BAHCC1: variants seen among roughly 807,000 people sequenced by gnomAD.
The protein encoded by BAHCC1 is BAH and coiled-coil domain-containing protein 1.
In BAHCC1, 43 loss-of-function variants were observed where a neutral mutation model predicts 88.2. That is an observed-to-expected ratio of 0.49 (90% CI 0.38 to 0.63). The LOEUF is 0.63. Ranked by LOEUF, BAHCC1 falls within the 20% of genes least tolerant of loss-of-function variation. The pLI is 0.00. For missense variants in BAHCC1, 3,023 were observed against 1,654.8 expected, an observed-to-expected ratio of 1.83 and a Z score of -14.34; for synonymous variants, 1,510 against 745.5, an observed-to-expected ratio of 2.03 and a Z score of -16.71.
intron 26 of BAHCC1, chr17:81,462,523 C>T: frequency 1.7e-6 from 1 of 571,794 alleles, no homozygotes; most frequent in Non-Finnish European, 3.1e-6. Context: ...GTCATGATTC[C>T]ATGTGCGGGC....
At chr17:81,458,516 G>T (rs782025421) in intron 18 of BAHCC1, 50 bp downstream of exon 18, 2 of 638,742 alleles carry the variant, frequency 3.1e-6, no homozygotes, top group East Asian at 5.4e-5. Context: ...TGCCTGTGAG[G>T]AAAGGCCTTC....
At chr17:81,438,607 G>A (rs2064370355) in intron 4 of BAHCC1, 115 bp downstream of exon 4, 2 of 671,584 alleles carry the variant, frequency 3.0e-6, no homozygotes, top group Non-Finnish European at 5.5e-6. Flanking sequence ...CCCACCAGGT[G>A]TCATCGAGGC....
At chr17:81,403,159 G>A (rs1299401419) in intron 2 of BAHCC1, among the ~76,000 whole-genome samples, 1 of 152,188 alleles carries the variant, frequency 6.6e-6, no homozygotes, top group Non-Finnish European at 1.5e-5. Flanking sequence ...ATCCGAGGCA[G>A]CCCCGGCCTG....
intron 2 of BAHCC1, among the ~76,000 whole-genome samples, chr17:81,421,339 C>T (rs1019176678): frequency 2.0e-5 from 3 of 151,474 alleles, no homozygotes; most frequent in Non-Finnish European, 2.9e-5. Flanking sequence ...CACTGGTCGG[C>T]GGGGGGGCTG....
intron 1 of BAHCC1, among the ~76,000 whole-genome samples, chr17:81,398,528 G>A (rs919166104): frequency 6.6e-6 from 1 of 152,222 alleles, no homozygotes; most frequent in East Asian, 1.9e-4. Flanking sequence ...CTCTGCTCGC[G>A]GTCCCCGGCA....
chr17:81,426,176 GGGTA>G (rs2064195163), intron 2 of BAHCC1, among the ~76,000 whole-genome samples: 3 of 148,008 alleles, frequency 2.0e-5, no homozygotes, highest in Admixed American at 6.8e-5. Context: ...TGATAGTGGT[GGGTA>G]ATGTGGTTGG....
intron 14 of BAHCC1, 42 bp from the exon 15 acceptor site, chr17:81,455,225 C>T (rs1555656929): frequency 1.4e-5 from 10 of 704,208 alleles, no homozygotes; most frequent in Non-Finnish European, 2.1e-5. Flanking sequence ...CTGGGGCGGC[C>T]GGGCCTGCAT....
intron 2 of BAHCC1, among the ~76,000 whole-genome samples, chr17:81,417,562 C>CCA (rs1555648940): frequency 4.8e-5 from 7 of 144,828 alleles, no homozygotes; most frequent in Admixed American, 1.3e-4. Flanking sequence ...GCCACCCCCC[C>CCA]CCCGCCCTAG....
chr17:81,412,691 C>T (rs2063969634), intron 2 of BAHCC1, among the ~76,000 whole-genome samples: 1 of 152,220 alleles, frequency 6.6e-6, no homozygotes, highest in African/African-American at 2.4e-5. Flanking sequence ...GCGCCCCCCG[C>T]CCCACCCTGT....
intron 15 of BAHCC1, 127 bp from the exon 16 acceptor site, chr17:81,456,170 G>A (rs2064745195): frequency 1.7e-6 from 1 of 600,056 alleles, no homozygotes; most frequent in Non-Finnish European, 2.9e-6. Flanking sequence ...CAGCCCCTGT[G>A]GATCGAGGGC....
chr17:81,459,620 A>AGC lies in BAHCC1; in HGVS notation c.5905+18_5905+19dup. 2.6e-6 allele frequency: 2 copies of AGC among 779,386 alleles called. No individual in the cohort carries two copies. Among genetic ancestry groups the AGC allele is most frequent in the East Asian group, 4.9e-5 (2 of 41,222 alleles). 48.3% of individuals were successfully genotyped at this position (779,386 alleles called of 1,614,324 possible). On this transcript the variant is annotated intron_variant, in intron 23 of 27. Coordinates refer to ENST00000675386, the MANE Select transcript of BAHCC1 (RefSeq NM_001377448.1). ...GTGGTCCGGGGTAAGTTGCACCCAA[A>AGC]GCGGGGGCTGGGGCAGGCCCCTCTG...
chr17:81,447,995 C>G, intron 11 of BAHCC1, 147 bp downstream of exon 11: 1 of 624,192 alleles, frequency 1.6e-6, no homozygotes, highest in Non-Finnish European at 2.9e-6. Context: ...GTCCGCCTCC[C>G]CTTGCCGTCC....
chr17:81,439,514 C>A (rs1568015306), intron 4 of BAHCC1, among the ~76,000 whole-genome samples: 1 of 147,218 alleles, frequency 6.8e-6, no homozygotes, highest in Admixed American at 6.8e-5. Context: ...GGCGTCTCCC[C>A]AAGGGGATCC....
intron 10 of BAHCC1, among the ~76,000 whole-genome samples, chr17:81,446,074 G>A (rs1555654247): frequency 2.6e-5 from 4 of 152,054 alleles, no homozygotes; most frequent in Admixed American, 6.5e-5. Flanking sequence ...GAGGGGCAGC[G>A]AGGCGGGGTG....
chr17:81,445,705 C>A (rs1201177585), intron 10 of BAHCC1, 24 bp downstream of exon 10: 1 of 717,194 alleles, frequency 1.4e-6, no homozygotes, highest in Non-Finnish European at 2.6e-6. Context: ...CCTGGCCCGG[C>A]CCACTGTGCT....
At position 81,411,153 on chromosome 17, in the gene BAHCC1, G is replaced by A. The variant is rs2063945123; in HGVS notation, c.178+11236G>A. Reference sequence around the variant, plus strand: ...GAGTCCATTCATCACGTGCCTGCAGGTGCCTGTGTCCTGTCTCTGCCCCAG... The same window carrying A: ...GAGTCCATTCATCACGTGCCTGCAGATGCCTGTGTCCTGTCTCTGCCCCAG... On this transcript the variant is annotated intron_variant, in intron 2 of 27. Coordinates refer to ENST00000675386, the MANE Select transcript of BAHCC1 (RefSeq NM_001377448.1). This position sits in a 1 kb window ranked among gnomAD's most constrained non-coding sequence, Gnocchi z 6.2. 1.9e-6 allele frequency: 1 copy of A among 519,058 alleles called. No individual in the cohort carries two copies. The highest frequency in any genetic ancestry group is 1.9e-5 in the African/African-American group (1 of 51,926). The allele number at this position is 519,058 out of a possible 1,614,324, so 32.2% of individuals were successfully genotyped here.
chr17:81,409,908 G>C (rs537332703), intron 2 of BAHCC1, among the ~76,000 whole-genome samples: 1 of 152,148 alleles, frequency 6.6e-6, no homozygotes, highest in Non-Finnish European at 1.5e-5. Context: ...CTTCAGGCCC[G>C]GGAGAGCACC....
At chr17:81,410,741 G>C (rs540914492) in intron 2 of BAHCC1, among the ~76,000 whole-genome samples, 28 of 152,268 alleles carry the variant, frequency 1.8e-4, no homozygotes, top group Admixed American at 7.2e-4. Context: ...AGTGGCAGAG[G>C]GGGACTGGCC....
chr17:81,446,064 G>C (rs532978713), intron 10 of BAHCC1, among the ~76,000 whole-genome samples: 1 of 152,132 alleles, frequency 6.6e-6, no homozygotes, highest in Non-Finnish European at 1.5e-5. Flanking sequence ...CTGGGAGAGG[G>C]AGGGGCAGCG....
Sources: allele counts gnomAD v4.1 joint callset (sites outside exome capture counted in the v4.1 genomes callset), GRCh38; gene constraint gnomAD v4.1.1; non-coding constraint Gnocchi (gnomAD v3.1); transcripts MANE v1.5; gene names NCBI Gene and HGNC (gene_info 2026-07-23, HGNC 2026-07-21).